Variants in PXDNL observed in about 807,000 individuals in gnomAD.
PXDNL encodes peroxidasin like, also known as probable oxidoreductase PXDNL.
Under a neutral mutation model 150.8 loss-of-function variants are expected in PXDNL, and 145 were observed. That is an observed-to-expected ratio of 0.96 (90% CI 0.84 to 1.10). PXDNL has a LOEUF of 1.10. PXDNL is among the 50% of genes least tolerant of loss of function. PXDNL has a pLI of 0.00. For synonymous variants in PXDNL, 757 were observed against 725.7 expected (o/e 1.04, Z -0.69); for missense variants, 2,087 against 1,873.9 (o/e 1.11, Z -2.10).
At chr8:51,495,937 G>C (rs1192646780) in intron 5 of PXDNL, among the ~76,000 whole-genome samples, 2 of 152,050 alleles carry the variant, frequency 1.3e-5, no homozygotes, top group African/African-American at 4.8e-5. Context: ...TTATGAGGCT[G>C]GCATCATCCT....
At chr8:51,419,384 T>C (rs1808886540) in intron 14 of PXDNL, among the ~76,000 whole-genome samples, 1 of 152,252 alleles carries the variant, frequency 6.6e-6, no homozygotes, top group South Asian at 2.1e-4. Context: ...ATTACTGTTG[T>C]ACTATTTTCA....
intron 1 of PXDNL, among the ~76,000 whole-genome samples, chr8:51,800,854 T>C (rs774868242): frequency 1.3e-5 from 2 of 152,188 alleles, no homozygotes; most frequent in Non-Finnish European, 2.9e-5. Flanking sequence ...GGACCACTAT[T>C]GTACAAATTG....
chr8:51,625,863 T>G (rs1028168900), intron 2 of PXDNL, among the ~76,000 whole-genome samples: 2 of 152,238 alleles, frequency 1.3e-5, no homozygotes, highest in Non-Finnish European at 2.9e-5. Flanking sequence ...CTCTTTCCTC[T>G]TCTTCATAAT....
chr8:51,559,335 C>A lies in PXDNL; in HGVS notation c.309-2424G>T, dbSNP rs866579378. Reference sequence around the variant, plus strand: ...CTTATTTTTGTTTCTTCCAAACCCCCCCCCCCCCCGCCACCTTCTTTCCTG... The same window carrying A: ...CTTATTTTTGTTTCTTCCAAACCCCACCCCCCCCCGCCACCTTCTTTCCTG... On this transcript the variant is annotated intron_variant, in intron 3 of 22. Coordinates refer to ENST00000356297, the MANE Select transcript of PXDNL (RefSeq NM_144651.5). Among the ~76,000 whole-genome samples the A allele has an allele frequency of 3.4e-3, 473 of 137,476 alleles. 7 individuals carry two copies. The highest frequency in any genetic ancestry group is 9.2e-3 in the African/African-American group (364 of 39,602). 90.2% of individuals were successfully genotyped at this position (137,476 alleles called of 152,430 possible).
chr8:51,586,896 G>A (rs1304314032), intron 3 of PXDNL, among the ~76,000 whole-genome samples: 1 of 152,154 alleles, frequency 6.6e-6, no homozygotes, highest in Non-Finnish European at 1.5e-5. Flanking sequence ...GATAACCATG[G>A]CCAGAAACAG....
At chr8:51,643,970 C>A (rs547816232) in intron 2 of PXDNL, among the ~76,000 whole-genome samples, 1 of 151,724 alleles carries the variant, frequency 6.6e-6, no homozygotes, top group South Asian at 2.1e-4. Context: ...CGTGGTGAAG[C>A]CCCATCTCTA....
intron 1 of PXDNL, among the ~76,000 whole-genome samples, chr8:51,808,440 T>C (rs1270186042): frequency 6.6e-6 from 1 of 152,220 alleles, no homozygotes; most frequent in Non-Finnish European, 1.5e-5. Flanking sequence ...GATTTGCCCT[T>C]CTAATTATCT....
intron 5 of PXDNL, among the ~76,000 whole-genome samples, chr8:51,491,176 G>C (rs1026553545): frequency 6.6e-6 from 1 of 152,132 alleles, no homozygotes; most frequent in African/African-American, 2.4e-5. Context: ...ACTTAGACTG[G>C]CTTCCTTACT....
chr8:51,463,793 CA>C (rs1396608001), intron 8 of PXDNL, among the ~76,000 whole-genome samples: 3 of 151,958 alleles, frequency 2.0e-5, no homozygotes, highest in African/African-American at 7.3e-5. Context: ...AAATGAATAC[CA>C]AGAATATCTC....
intron 19 of PXDNL, among the ~76,000 whole-genome samples, chr8:51,360,842 A>C (rs1806710393): frequency 6.6e-6 from 1 of 152,268 alleles, no homozygotes; most frequent in South Asian, 2.1e-4. Flanking sequence ...TTTTCTGTAC[A>C]TCAGTTCTCT....
intron 5 of PXDNL, among the ~76,000 whole-genome samples, chr8:51,485,669 G>A (rs913183688): frequency 1.3e-5 from 2 of 151,942 alleles, no homozygotes; most frequent in African/African-American, 4.8e-5. Context: ...CCTGCTCCTG[G>A]GCTATCAACT....
chr8:51,757,012 T>C (rs2037109489), intron 1 of PXDNL, among the ~76,000 whole-genome samples: 1 of 152,230 alleles, frequency 6.6e-6, no homozygotes, highest in African/African-American at 2.4e-5. Context: ...CAAATAGTAC[T>C]AATTGTTTTG....
intron 12 of PXDNL, among the ~76,000 whole-genome samples, chr8:51,445,140 G>A (rs576136348): frequency 1.3e-5 from 2 of 152,128 alleles, no homozygotes; most frequent in South Asian, 2.1e-4. Context: ...GGCTGGTCTC[G>A]AACACCTGAT....
At chr8:51,784,998 A>C (rs566824867) in intron 1 of PXDNL, among the ~76,000 whole-genome samples, 2 of 152,356 alleles carry the variant, frequency 1.3e-5, no homozygotes, top group East Asian at 3.9e-4. Flanking sequence ...TTGTAAACAA[A>C]CAACCAAGAC....
At chr8:51,785,253 A>G (rs1563320747) in intron 1 of PXDNL, among the ~76,000 whole-genome samples, 1 of 152,228 alleles carries the variant, frequency 6.6e-6, no homozygotes, top group African/African-American at 2.4e-5. Context: ...GCCAAAAAAA[A>G]AAACTTGAAT....
chr8:51,444,538 C>T (rs966176911), intron 12 of PXDNL, among the ~76,000 whole-genome samples: 2 of 152,010 alleles, frequency 1.3e-5, no homozygotes, highest in African/African-American at 2.4e-5. Context: ...ACCTAATACC[C>T]GAAGGAAATT....
chr8:51,577,593 C>T (rs200376957), intron 3 of PXDNL, among the ~76,000 whole-genome samples: 1 of 142,208 alleles, frequency 7.0e-6, no homozygotes, highest in African/African-American at 2.6e-5. Context: ...TATCTATCTA[C>T]ATATATATAT....
intron 2 of PXDNL, among the ~76,000 whole-genome samples, chr8:51,629,729 A>G (rs1814451367): frequency 6.6e-6 from 1 of 152,186 alleles, no homozygotes; most frequent in Non-Finnish European, 1.5e-5. Flanking sequence ...CAGATTTATC[A>G]TCAGAAACCA....
intron 3 of PXDNL, among the ~76,000 whole-genome samples, chr8:51,560,765 G>A (rs977133755): frequency 1.3e-5 from 2 of 151,800 alleles, no homozygotes; most frequent in African/African-American, 2.4e-5. Flanking sequence ...GGCAACAAAA[G>A]TAAAAATAGG....
Sources: gnomAD v4.1 joint callset for allele counts (sites outside exome capture counted in the v4.1 genomes callset) on GRCh38, gnomAD v4.1.1 for gene constraint, MANE v1.5 for transcripts, NCBI Gene and HGNC (gene_info 2026-07-23, HGNC 2026-07-21) for gene names.